The following ANKRD27 variants were observed in gnomAD, a reference collection of about 807,000 sequenced individuals.
ANKRD27 encodes ankyrin repeat domain 27.
In ANKRD27, 112 loss-of-function variants were observed where a neutral mutation model predicts 129.7. The ratio of observed to expected loss-of-function variants is 0.86; its 90% CI spans 0.74 to 1.01. The LOEUF (loss-of-function observed/expected upper bound fraction) is 1.01, where lower values mean the gene tolerates loss of function less well. Among genes scored for constraint, ANKRD27 ranks in the 50% least tolerant of loss-of-function variants. The pLI is 0.00. For synonymous variants in ANKRD27, 516 were observed against 511.2 expected, an observed-to-expected ratio of 1.01 and a Z score of -0.13; for missense variants, 1,258 against 1,300.5, an observed-to-expected ratio of 0.97 and a Z score of 0.50.
chr19:32,619,175 T>G, intron 20 of ANKRD27, 85 bp downstream of exon 20: 1 of 1,515,126 alleles, frequency 6.6e-7, no homozygotes, highest in Non-Finnish European at 8.9e-7. Flanking sequence ...GGGCGGCCCT[T>G]GTCAGGCCAC....
intron 13 of ANKRD27, 101 bp downstream of exon 13, chr19:32,631,301 G>A (rs1475705785): frequency 3.8e-6 from 4 of 1,053,522 alleles, no homozygotes; most frequent in African/African-American, 1.6e-5. Flanking sequence ...TTATAGGCAT[G>A]AGCCACCATG....
At chr19:32,636,237 T>C (rs139967698) in intron 12 of ANKRD27, 134 of 164,748 alleles carry the variant, frequency 8.1e-4, no homozygotes, top group Non-Finnish European at 1.4e-3. Flanking sequence ...TGTGCCTGCA[T>C]CCAACTGTGA....
chr19:32,628,117 CCT>C lies in ANKRD27; in HGVS notation c.1384_1385del (p.Arg462GlyfsTer97), dbSNP rs1568405745. 11 of 1,614,230 alleles carry C rather than the reference CCT, an allele frequency of 6.8e-6. No individual in the cohort carries two copies. The highest frequency in any genetic ancestry group is 1.7e-5 in the Admixed American group (1 of 60,024). The part of the protein sequence containing the change: ...SVVTPFSRDD[R>X]GHTPLHVAAV... ...CAGCCACATGGAGAGGGGTGTGCCC[CCT>C]GTCGTCTCTGGAGAATGGAGTGACA... On this transcript the variant is annotated frameshift_variant, in exon 15 of 29. Transcript: ENST00000306065. LOFTEE classifies it high-confidence loss of function.
At chr19:32,607,898 G>T in intron 22 of ANKRD27, 66 bp from the exon 23 acceptor site, 1 of 1,483,644 alleles carries the variant, frequency 6.7e-7, no homozygotes, top group Non-Finnish European at 9.2e-7. Context: ...TGGAGTGATT[G>T]GCACCATGTG....
At chr19:32,632,176 T>C (rs1967005733) in intron 12 of ANKRD27, among the ~76,000 whole-genome samples, 1 of 151,690 alleles carries the variant, frequency 6.6e-6, no homozygotes, top group Admixed American at 6.6e-5. Context: ...GTAGTCCCAG[T>C]TACTTGGGAG....
chr19:32,627,565 T>C (rs1966911354), intron 15 of ANKRD27, among the ~76,000 whole-genome samples: 2 of 151,902 alleles, frequency 1.3e-5, no homozygotes, highest in Admixed American at 6.6e-5. Context: ...AACAGGCTCA[T>C]TTTTGTATGT....
intron 27 of ANKRD27, 88 bp downstream of exon 27, chr19:32,599,884 A>C: frequency 6.6e-7 from 1 of 1,515,030 alleles, no homozygotes. Context: ...AGATTTGTCC[A>C]TAACCAATTA....
chr19:32,659,133 C>CTTTT lies in ANKRD27; in HGVS notation c.-30-92_-30-89dup, dbSNP rs200281838. On this transcript the variant is annotated intron_variant, in intron 1 of 28. Transcript: ENST00000306065. ...CTGCATCTGATGCATCTGGCATTTTCTTTTTCTTTTTTTTTTTTTTTTTGA... is the reference window on the plus strand; with the variant it reads ...CTGCATCTGATGCATCTGGCATTTTCTTTTTTTTTCTTTTTTTTTTTTTTTTTGA... 56 of 331,050 alleles carry CTTTT rather than the reference C, an allele frequency of 1.7e-4. 3 individuals are homozygous for CTTTT. The highest frequency in any genetic ancestry group is 7.7e-4 in the Middle Eastern group (1 of 1,294). 20.5% of individuals were successfully genotyped at this position (331,050 alleles called of 1,614,324 possible). A position where few individuals can be genotyped will look rare whatever the true frequency, so the allele number is the denominator to read the frequency against.
rs527872142 is a variant in ANKRD27, at chr19:32,671,603, G to A, written c.-31+3468C>T. 9.9e-5 allele frequency among the ~76,000 whole-genome samples: 15 copies of A among 152,200 alleles called. No individual in the cohort carries two copies. The South Asian group carries it at 1.0e-3, about 11-fold the overall frequency. ...CCAGCTACTTGGGAGGCTGAGGCAC[G>A]AGAATCTCTTGAACCTGGGAGGTGG... On this transcript the variant is annotated intron_variant, in intron 1 of 28. Coordinates refer to ENST00000306065, the MANE Select transcript of ANKRD27 (RefSeq NM_032139.3).
At chr19:32,617,753 G>GT (rs375079407) in intron 20 of ANKRD27, 120 bp from the exon 21 acceptor site, 10,016 of 296,378 alleles carry the variant, frequency 0.034, 2 homozygotes, top group East Asian at 0.11. Flanking sequence ...GTCTGATTTA[G>GT]TTTTTTTTTT....
chr19:32,614,631 G>T (rs1438045846), intron 22 of ANKRD27, among the ~76,000 whole-genome samples: 1 of 152,032 alleles, frequency 6.6e-6, no homozygotes, highest in African/African-American at 2.4e-5. Context: ...TTCAACCCGG[G>T]AGGCAGAGGT....
In ANKRD27 at chr19:32,658,969, GCCAGA is replaced by G; in HGVS notation, c.42_46del (p.Leu15SerfsTer7). On this transcript the variant is annotated frameshift_variant, in exon 2 of 29. Coordinates refer to ENST00000306065, the MANE Select transcript of ANKRD27 (RefSeq NM_032139.3). LOFTEE classifies it high-confidence loss of function. ...CAAGTCAGGGCGGCACTTTTGCAGA[GCCAGA>G]TAGAAAGGATTTTTCAGGAGGTCTT... 6.2e-7 allele frequency: 1 copy of G among 1,614,072 alleles called. No individual in the cohort carries two copies.
At chr19:32,642,928 G>A in intron 9 of ANKRD27, 195 bp downstream of exon 9, 1 of 614,464 alleles carries the variant, frequency 1.6e-6, no homozygotes, top group Non-Finnish European at 2.9e-6. Context: ...CTGGTGCAGT[G>A]TGGGAGGGGG....
rs1272595779 is a variant in ANKRD27 at position 32,619,266 on chromosome 19, G to A, written c.2001C>T (p.Tyr667=). 3.7e-6 allele frequency: 6 copies of A among 1,612,986 alleles called. No individual in the cohort carries two copies. The highest frequency in any genetic ancestry group is 3.4e-4 in the Middle Eastern group (2 of 5,884). ...CTTCCTCTGGAAGCCTCACCTCTCTGTAGTCCTTCTTGGTCTCCTCCTGCC... is the reference window on the plus strand; with the variant it reads ...CTTCCTCTGGAAGCCTCACCTCTCTATAGTCCTTCTTGGTCTCCTCCTGCC... ...SSRQEETKKD[Y]REVEKLLRAV... is the part of the protein sequence containing the mutation. The change falls in exon 20 of 29, where the codon TAC becomes TAT. Residue 667 remains tyrosine, a synonymous_variant. Transcript: ENST00000306065.
At chr19:32,599,080 G>A (rs1319814476) in intron 28 of ANKRD27, among the ~76,000 whole-genome samples, 4 of 152,162 alleles carry the variant, frequency 2.6e-5, no homozygotes, top group African/African-American at 9.7e-5. Context: ...AGGAGTTCAA[G>A]ACCAGCCTGG....
At chr19:32,626,428 G>A (rs552072983) in intron 16 of ANKRD27, among the ~76,000 whole-genome samples, 1 of 151,508 alleles carries the variant, frequency 6.6e-6, no homozygotes, top group East Asian at 1.9e-4. Flanking sequence ...CCTGCTTTGG[G>A]CTCCCAAAGC....
intron 2 of ANKRD27, among the ~76,000 whole-genome samples, chr19:32,653,987 G>A (rs1321740446): frequency 3.3e-5 from 5 of 152,108 alleles, no homozygotes; most frequent in African/African-American, 7.2e-5. Context: ...TGCAACCTCC[G>A]CCTCCCGGGT....
At chr19:32,633,911 T>C (rs1967044452) in intron 12 of ANKRD27, among the ~76,000 whole-genome samples, 1 of 152,068 alleles carries the variant, frequency 6.6e-6, no homozygotes, top group South Asian at 2.1e-4. Flanking sequence ...ACACCTGTAG[T>C]CCCAGCCACC....
Position 32,622,578 on chromosome 19 carries a change from T to C in ANKRD27, c.1671A>G (p.Arg557=). Residue 557 remains arginine (R), a synonymous_variant, in exon 18 of 29, where the codon AGA becomes AGG. Coordinates refer to ENST00000306065, the MANE Select transcript of ANKRD27 (RefSeq NM_032139.3). ...CTCCTTTCTCATTGCCAATGTCAAG[T>C]CTGCACGACTCCACGTCGTAGTAAA... The part of the protein sequence containing the change: ...ALVYYDVESC[R]LDIGNEKGDT... 1 of 1,613,994 alleles carries C rather than the reference T, an allele frequency of 6.2e-7. No homozygotes were observed. The highest frequency in any genetic ancestry group is 1.3e-5 in the African/African-American group (1 of 74,996).
Sources: gnomAD v4.1 joint callset for allele counts (sites outside exome capture counted in the v4.1 genomes callset) on GRCh38, gnomAD v4.1.1 for gene constraint, MANE v1.5 for transcripts, NCBI Gene and HGNC (gene_info 2026-07-23, HGNC 2026-07-21) for gene names.